The following ZCCHC4 variants were observed in gnomAD, a reference collection of about 807,000 sequenced individuals.
ZCCHC4 encodes the protein rRNA N(6)-adenosine-methyltransferase ZCCHC4.
Under a neutral mutation model 67.7 loss-of-function variants are expected in ZCCHC4, and 54 were observed. The ratio of observed to expected loss-of-function variants is 0.80; its 90% CI spans 0.64 to 1.00. The LOEUF is 1.00. Among genes scored for constraint, ZCCHC4 ranks in the 50% least tolerant of loss-of-function variants. The probability of loss-of-function intolerance (pLI) is 0.00; values close to 1 mark genes in which losing one functional copy is unlikely to be tolerated. For synonymous variants in ZCCHC4, 198 were observed against 213.5 expected (o/e 0.93, Z 0.63); for missense variants, 609 against 617.0 (o/e 0.99, Z 0.14).
At position 25,370,328 on chromosome 4, in the gene ZCCHC4, G is replaced by A. The variant is rs543263099; in HGVS notation, c.*1164G>A. ...TTCATTATTATCATTATTATAATGG[G>A]GAGAATAACAGCTATACCTGAGGTT... On this transcript the variant is annotated 3_prime_UTR_variant, in exon 13 of 13. Transcript: ENST00000302874. 2.6e-5 allele frequency: 4 copies of A among 152,160 alleles called. No individual in the cohort carries two copies. Among genetic ancestry groups the A allele is most frequent in the East Asian group, 1.9e-4 (1 of 5,192 alleles). 9.4% of individuals were successfully genotyped at this position (152,160 alleles called of 1,614,324 possible). A position where few individuals can be genotyped will look rare whatever the true frequency, so the allele number is the denominator to read the frequency against.
chr4:25,323,708 A>C (rs970758307), intron 3 of ZCCHC4, among the ~76,000 whole-genome samples: 2 of 152,290 alleles, frequency 1.3e-5, no homozygotes, highest in East Asian at 3.9e-4. Flanking sequence ...TTAGTGGAAA[A>C]TTCACTTTTC....
chr4:25,352,380 A>G, intron 8 of ZCCHC4: 1 of 983,792 alleles, frequency 1.0e-6, no homozygotes, highest in African/African-American at 1.8e-5. Flanking sequence ...TGTTGTCGCC[A>G]TCACTGTTTA....
chr4:25,323,818 C>T (rs901718544), intron 3 of ZCCHC4, among the ~76,000 whole-genome samples: 2 of 152,034 alleles, frequency 1.3e-5, no homozygotes, highest in Non-Finnish European at 2.9e-5. Flanking sequence ...TATACATCTG[C>T]CCGTGAAATC....
At chr4:25,342,631 ACT>A (rs1719809875) in intron 5 of ZCCHC4, among the ~76,000 whole-genome samples, 2 of 152,074 alleles carry the variant, frequency 1.3e-5, no homozygotes, top group Non-Finnish European at 2.9e-5. Flanking sequence ...TTGGTAACTG[ACT>A]CTCATTTAAA....
At chr4:25,365,396 G>A (rs7675034) in intron 12 of ZCCHC4, 679,236 of 1,306,744 alleles carry the variant, frequency 0.52, 185,510 homozygotes, top group Non-Finnish European at 0.56. Flanking sequence ...ACCAAAATAT[G>A]AGGTAGAAAG....
intron 3 of ZCCHC4, among the ~76,000 whole-genome samples, chr4:25,315,791 A>G (rs1718230711): frequency 6.6e-6 from 1 of 150,618 alleles, no homozygotes; most frequent in Non-Finnish European, 1.5e-5. Context: ...ACGACTCACT[A>G]TAGCCTCAAC....
chr4:25,323,104 C>T (rs766840441), intron 3 of ZCCHC4, among the ~76,000 whole-genome samples: 1 of 152,188 alleles, frequency 6.6e-6, no homozygotes, highest in Non-Finnish European at 1.5e-5. Context: ...AATAAACCAT[C>T]CATTACAAAG....
intron 3 of ZCCHC4, among the ~76,000 whole-genome samples, 189 bp downstream of exon 3, chr4:25,315,589 T>A (rs1359294675): frequency 2.0e-5 from 3 of 152,182 alleles, no homozygotes. Context: ...CATGTTGTTG[T>A]GTAACCATTG....
chr4:25,343,814 G>T (rs1255852144), intron 5 of ZCCHC4, among the ~76,000 whole-genome samples: 1 of 152,192 alleles, frequency 6.6e-6, no homozygotes, highest in African/African-American at 2.4e-5. Flanking sequence ...GGGTAACTGA[G>T]TAGAAATACA....
Position 25,351,701 on chromosome 4 carries a change from A to G in ZCCHC4, c.1011+12A>G, listed in dbSNP as rs375141562. 8 of 1,586,496 alleles carry G rather than the reference A, an allele frequency of 5.0e-6. No homozygotes were observed. Among genetic ancestry groups the G allele is most frequent in the Non-Finnish European group, 6.9e-6 (8 of 1,162,346 alleles). ...TGCTGGATTACCAGGTAGAGTACAT[A>G]TTCTGTTTTCTGGCATGGTTGGGGA... On this transcript the variant is annotated intron_variant, in intron 8 of 12. Coordinates refer to ENST00000302874, the MANE Select transcript of ZCCHC4 (RefSeq NM_024936.3).
At chr4:25,326,244 T>C (rs1425536181) in intron 3 of ZCCHC4, among the ~76,000 whole-genome samples, 1 of 152,210 alleles carries the variant, frequency 6.6e-6, no homozygotes, top group Non-Finnish European at 1.5e-5. Context: ...AGCACATCAC[T>C]CCAGTCTCTG....
chr4:25,349,746 C>A, intron 7 of ZCCHC4, 104 bp downstream of exon 7: 2 of 1,178,858 alleles, frequency 1.7e-6, no homozygotes, highest in Non-Finnish European at 1.2e-6. Flanking sequence ...ATATACATGT[C>A]TTGAGTTCTC....
At chr4:25,354,769 A>G (rs2109086220) in intron 8 of ZCCHC4, among the ~76,000 whole-genome samples, 1 of 152,124 alleles carries the variant, frequency 6.6e-6, no homozygotes, top group East Asian at 1.9e-4. Context: ...AAGTGCTGAG[A>G]TTACAGGTGT....
intron 12 of ZCCHC4, chr4:25,365,901 AG>A (rs1440708315): frequency 7.1e-6 from 7 of 984,234 alleles, no homozygotes; most frequent in Non-Finnish European, 8.4e-6. Context: ...AAGGGATGAT[AG>A]TGATTAAGTC....
At position 25,312,924 on chromosome 4, in the gene ZCCHC4, C is replaced by G. The variant is rs1255942035; in HGVS notation, c.115C>G (p.Leu39Val). 6.2e-7 allele frequency: 1 copy of G among 1,612,622 alleles called. No individual in the cohort carries two copies. Among genetic ancestry groups the G allele is most frequent in the South Asian group, 1.1e-5 (1 of 91,022 alleles). The change falls in exon 1 of 13, where the codon CTG becomes GTG. Residue 39 changes from leucine (L) to valine (V), a missense_variant. By Grantham distance (32) the Leu-to-Val change is conservative. Coordinates refer to ENST00000302874, the MANE Select transcript of ZCCHC4 (RefSeq NM_024936.3). Reference sequence around the variant, plus strand: ...TTTGGATCCTGCCGTCCCCGCCCCGCTGTGCCCTCACGGTGGGTCAGAGTC... The same window carrying G: ...TTTGGATCCTGCCGTCCCCGCCCCGGTGTGCCCTCACGGTGGGTCAGAGTC... The part of the protein sequence containing the change: ...LPLDPAVPAP[L>V]CPHGPTLLFV...
At chr4:25,314,015 C>CT (rs61227153) in intron 1 of ZCCHC4, 31 bp from the exon 2 acceptor site, 264,182 of 999,554 alleles carry the variant, frequency 0.26, 14,778 homozygotes, top group African/African-American at 0.51. Context: ...TTACTTGACA[C>CT]TTTTTTTTTT....
chr4:25,346,085 G>A (rs1188260112), intron 6 of ZCCHC4, among the ~76,000 whole-genome samples: 1 of 151,934 alleles, frequency 6.6e-6, no homozygotes, highest in Non-Finnish European at 1.5e-5. Flanking sequence ...AGCCTCCCCC[G>A]ACCCCTACTC....
At chr4:25,356,172 A>C (rs986733671) in intron 8 of ZCCHC4, among the ~76,000 whole-genome samples, 11 of 152,182 alleles carry the variant, frequency 7.2e-5, no homozygotes, top group Non-Finnish European at 1.6e-4. Flanking sequence ...CATCACATTA[A>C]ATCAGTTCCA....
At chr4:25,319,106 G>A (rs1425330305) in intron 3 of ZCCHC4, among the ~76,000 whole-genome samples, 1 of 152,148 alleles carries the variant, frequency 6.6e-6, no homozygotes, top group African/African-American at 2.4e-5. Flanking sequence ...AGTGCTGGCC[G>A]GGTGCGGTGG....
Sources: gnomAD v4.1 joint callset for allele counts (sites outside exome capture counted in the v4.1 genomes callset) on GRCh38, gnomAD v4.1.1 for gene constraint, MANE v1.5 for transcripts, NCBI Gene and HGNC (gene_info 2026-07-23, HGNC 2026-07-21) for gene names.